The following MGAT4C variants were observed in gnomAD, a reference collection of about 807,000 sequenced individuals.
The protein encoded by MGAT4C is MGAT4 family member C.
Under a neutral mutation model 40.1 loss-of-function variants are expected in MGAT4C, and 19 were observed. The observed-to-expected ratio is 0.47, with a 90% CI of 0.33 to 0.70. The LOEUF (loss-of-function observed/expected upper bound fraction) is 0.70. MGAT4C is among the 30% of genes least tolerant of loss of function. The pLI, the probability that MGAT4C is intolerant of heterozygous loss-of-function variation, is 0.02. For synonymous variants in MGAT4C, 181 were observed against 187.1 expected (o/e 0.97, Z 0.27); for missense variants, 491 against 563.2 (o/e 0.87, Z 1.30).
chr12:86,382,202 G>T (rs1003661958), intron 3 of MGAT4C, among the ~76,000 whole-genome samples: 4 of 152,190 alleles, frequency 2.6e-5, no homozygotes, highest in Admixed American at 6.5e-5. Context: ...ATGAAATCCA[G>T]GCTGAAGTGG....
chr12:86,099,574 T>C (rs1488485032), intron 1 of MGAT4C, among the ~76,000 whole-genome samples: 1 of 151,412 alleles, frequency 6.6e-6, no homozygotes, highest in Admixed American at 6.6e-5. Flanking sequence ...AAAGAAGACA[T>C]TTATGCAGCC....
chr12:86,762,094 C>T (rs1951417227), intron 1 of MGAT4C, among the ~76,000 whole-genome samples: 1 of 151,596 alleles, frequency 6.6e-6, no homozygotes, highest in Non-Finnish European at 1.5e-5. Context: ...CTTTGTTGCC[C>T]AGGCTGGAGT....
At chr12:85,987,379 C>T (rs1353644040) in intron 3 of MGAT4C, among the ~76,000 whole-genome samples, 5 of 151,740 alleles carry the variant, frequency 3.3e-5, no homozygotes, top group Non-Finnish European at 5.9e-5. Context: ...CCTCGTGATC[C>T]GCCCGCCTCG....
chr12:86,419,218 A>G (rs563896434), intron 3 of MGAT4C, among the ~76,000 whole-genome samples: 11 of 152,040 alleles, frequency 7.2e-5, no homozygotes, highest in Non-Finnish European at 1.6e-4. Flanking sequence ...AAATTTTAGG[A>G]TTTCTTATAC....
intron 2 of MGAT4C, among the ~76,000 whole-genome samples, chr12:86,512,864 C>A (rs1292279872): frequency 1.3e-5 from 2 of 151,884 alleles, no homozygotes; most frequent in Non-Finnish European, 2.9e-5. Context: ...GTATTTCATG[C>A]CTATAGTTAA....
At chr12:86,295,923 C>T (rs1953659447) in intron 4 of MGAT4C, among the ~76,000 whole-genome samples, 1 of 146,934 alleles carries the variant, frequency 6.8e-6, no homozygotes, top group South Asian at 2.2e-4. Flanking sequence ...TTTACAATCC[C>T]TGAGCTAGAC....
At chr12:86,734,870 G>A (rs1950961889) in intron 1 of MGAT4C, among the ~76,000 whole-genome samples, 1 of 152,020 alleles carries the variant, frequency 6.6e-6, no homozygotes, top group Non-Finnish European at 1.5e-5. Flanking sequence ...AGATTATGTA[G>A]TTACCATCTG....
intron 1 of MGAT4C, among the ~76,000 whole-genome samples, chr12:86,731,787 C>T (rs1950913730): frequency 6.6e-6 from 1 of 152,078 alleles, no homozygotes; most frequent in Non-Finnish European, 1.5e-5. Flanking sequence ...AACCTAGATG[C>T]ACTTTAAACT....
chr12:86,769,321 C>T (rs1216425734), intron 1 of MGAT4C, among the ~76,000 whole-genome samples: 34 of 151,660 alleles, frequency 2.2e-4, no homozygotes, highest in East Asian at 2.2e-3. Flanking sequence ...CAATGAGATA[C>T]CATCTCACAC....
intron 1 of MGAT4C, among the ~76,000 whole-genome samples, chr12:86,820,954 G>C (rs1318378281): frequency 3.3e-5 from 5 of 150,832 alleles, no homozygotes; most frequent in African/African-American, 1.2e-4. Context: ...TACAATGGTG[G>C]AATATCCTCA....
intron 4 of MGAT4C, among the ~76,000 whole-genome samples, chr12:86,264,803 C>CGAT (rs1952745218): frequency 6.6e-6 from 1 of 151,306 alleles, no homozygotes; most frequent in Admixed American, 6.6e-5. Flanking sequence ...GCGCCCTCTC[C>CGAT]GATCTCAGAG....
At chr12:86,211,997 C>A (rs1367696277) in intron 1 of MGAT4C, among the ~76,000 whole-genome samples, 2 of 152,094 alleles carry the variant, frequency 1.3e-5, no homozygotes, top group Non-Finnish European at 2.9e-5. Context: ...GAGATTTGAT[C>A]TTCTCAGAAA....
At chr12:86,250,345 G>C (rs1485130162) in intron 1 of MGAT4C, among the ~76,000 whole-genome samples, 2 of 143,558 alleles carry the variant, frequency 1.4e-5, no homozygotes, top group African/African-American at 2.6e-5. Context: ...GAGAGAGAGA[G>C]AGAGAGAGAG....
Position 85,976,196 on chromosome 12 carries a change from T to G in MGAT4C, c.*3093A>C, listed in dbSNP as rs1428001257. 9 of 151,078 alleles carry G rather than the reference T, an allele frequency of 6.0e-5. No homozygotes were observed. Among genetic ancestry groups the G allele is most frequent in the Non-Finnish European group, 7.4e-5 (5 of 67,206 alleles). 9.4% of individuals were successfully genotyped at this position (151,078 alleles called of 1,614,324 possible). On this transcript the variant is annotated 3_prime_UTR_variant, in exon 5 of 5. Transcript: ENST00000611864. ...TAAGAAATGGAATGTTCACAACTCA[T>G]AGTGTAGCTATATGAAAGAAATAGA...
At chr12:86,358,813 C>T (rs190808737) in intron 3 of MGAT4C, among the ~76,000 whole-genome samples, 24 of 152,180 alleles carry the variant, frequency 1.6e-4, no homozygotes, top group African/African-American at 5.5e-4. Flanking sequence ...ACAGGAGCAC[C>T]CAGATTCATA....
chr12:86,119,938 A>G (rs1423286664), intron 1 of MGAT4C, among the ~76,000 whole-genome samples: 1 of 151,666 alleles, frequency 6.6e-6, no homozygotes, highest in Non-Finnish European at 1.5e-5. Flanking sequence ...CCATTTGAAT[A>G]ATGTCACTAT....
chr12:86,642,048 C>A (rs745945905), intron 2 of MGAT4C, among the ~76,000 whole-genome samples: 47 of 151,674 alleles, frequency 3.1e-4, no homozygotes, highest in Non-Finnish European at 5.7e-4. Context: ...CTTAAAAATG[C>A]AAGAACGAAA....
Position 86,004,803 on chromosome 12 carries a change from GAAT to G in MGAT4C, c.-6-15254_-6-15252del, listed in dbSNP as rs543657554. Among the ~76,000 whole-genome samples the G allele has an allele frequency of 3.7e-3, 561 of 152,234 alleles. 3 individuals carry two copies. Among genetic ancestry groups the G allele is most frequent in the Non-Finnish European group, 6.1e-3 (413 of 68,000 alleles). ...AACCAGCCCAATCTGGTTCAACTTT[GAAT>G]AATAAAATGGTGAGTTATTTTTCAG... On this transcript the variant is annotated intron_variant, in intron 2 of 4. Transcript: ENST00000611864.
intron 1 of MGAT4C, among the ~76,000 whole-genome samples, chr12:86,201,116 C>T (rs1286752227): frequency 6.6e-6 from 1 of 152,188 alleles, no homozygotes; most frequent in African/African-American, 2.4e-5. Flanking sequence ...AGATTTTTAG[C>T]AAATACTTTT....
Sources: allele counts gnomAD v4.1 joint callset (sites outside exome capture counted in the v4.1 genomes callset), GRCh38; gene constraint gnomAD v4.1.1; transcripts MANE v1.5; gene names NCBI Gene and HGNC (gene_info 2026-07-23, HGNC 2026-07-21).